TCTN2: variants seen among roughly 807,000 people sequenced by gnomAD.
TCTN2 encodes tectonic family member 2.
In TCTN2, 66 loss-of-function variants were observed where a neutral mutation model predicts 83.4. That is an observed-to-expected ratio of 0.79 (90% CI 0.65 to 0.97). TCTN2 has a LOEUF of 0.97. Among genes scored for constraint, TCTN2 ranks in the 50% least tolerant of loss-of-function variants. TCTN2 has a pLI of 0.00. For missense variants in TCTN2, 794 were observed against 858.1 expected (o/e 0.93, Z 0.93); for synonymous variants, 301 against 326.7 (o/e 0.92, Z 0.85).
In TCTN2 at chr12:123,671,125, G is replaced by T. The variant is rs887071343; in HGVS notation, c.-116G>T. Reference sequence around the variant, plus strand: ...ATTGGTGGTTGCCATAGCTCCGGGCGTTCGCTTGCAAGATGGCGGCGGCGG... The same window carrying T: ...ATTGGTGGTTGCCATAGCTCCGGGCTTTCGCTTGCAAGATGGCGGCGGCGG... On this transcript the variant is annotated 5_prime_UTR_variant, in exon 1 of 18. Coordinates refer to ENST00000303372, the MANE Select transcript of TCTN2 (RefSeq NM_024809.5). 7.7e-5 allele frequency: 79 copies of T among 1,026,084 alleles called. No homozygotes were observed. In the African/African-American group the frequency reaches 1.2e-3, roughly 15 times the overall value. The allele number at this position is 1,026,084 out of a possible 1,614,324, so 63.6% of individuals were successfully genotyped here.
intron 11 of TCTN2, 194 bp downstream of exon 11, chr12:123,695,491 G>A (rs543252842): frequency 6.9e-5 from 33 of 480,098 alleles, no homozygotes; most frequent in South Asian, 1.6e-4. Flanking sequence ...GCGCAATCTC[G>A]GCTCACTGCA....
Position 123,686,949 on chromosome 12 carries a change from T to G in TCTN2, c.678T>G (p.Arg226=), listed in dbSNP as rs778808046. The change falls in exon 6 of 18, where the codon CGT becomes CGG. Residue 226 remains arginine (R), a synonymous_variant. Transcript: ENST00000303372. ...TCTGCTCTGCTGGGACGACGACACG[T>G]GGTGTCCCCGATTGGTTTCCCTTTC... The part of the protein sequence containing the change: ...DQLCSAGTTT[R]GVPDWFPFLC... The G allele has an allele frequency of 6.2e-7, 1 of 1,614,210 alleles. No individual in the cohort carries two copies. The highest frequency in any genetic ancestry group is 8.5e-7 in the Non-Finnish European group (1 of 1,180,042).
In TCTN2 at chr12:123,707,000, T is replaced by C. The variant is rs745808672; in HGVS notation, c.1911T>C (p.Tyr637=). ...TGTTTTCTAGATTCCAGATCAATTA[T>C]ACAGAGTATGACTGCAACAGAAATG... ...PHPLTRFQIN[Y]TEYDCNRNEV... is the part of the protein sequence containing the mutation. Residue 637 remains tyrosine, a synonymous_variant, in exon 17 of 18, where the codon TAT becomes TAC. Transcript: ENST00000303372. 3.1e-6 allele frequency: 5 copies of C among 1,614,114 alleles called. No individual in the cohort carries two copies. The highest frequency in any genetic ancestry group is 4.2e-6 in the Non-Finnish European group (5 of 1,180,004).
chr12:123,683,648 AT>A (rs578140725), intron 5 of TCTN2, among the ~76,000 whole-genome samples: 16 of 149,686 alleles, frequency 1.1e-4, no homozygotes, highest in Non-Finnish European at 2.2e-4. Context: ...CACATTTAAA[AT>A]TTTTTTTGAG....
intron 9 of TCTN2, among the ~76,000 whole-genome samples, chr12:123,694,097 G>A (rs1956079306): frequency 6.6e-6 from 1 of 151,364 alleles, no homozygotes; most frequent in Non-Finnish European, 1.5e-5. Context: ...GGGTTCAAAC[G>A]ATTCTTCTGC....
rs553643741 is a variant in TCTN2, at chr12:123,682,728, C to T, written c.564+3439C>T. On this transcript the variant is annotated intron_variant, in intron 5 of 17. Coordinates refer to ENST00000303372, the MANE Select transcript of TCTN2 (RefSeq NM_024809.5). ...AACTCCTGACCACAAGTGATCCGCC[C>T]GCCTCAGCCTCCCAAAATGCTGGGA... 2.5e-4 allele frequency among the ~76,000 whole-genome samples: 38 copies of T among 151,586 alleles called. 1 individual carries two copies. The highest frequency in any genetic ancestry group is 7.9e-4 in the Admixed American group (12 of 15,228).
At chr12:123,681,262 A>AAAAAAAAAG (rs796346294) in intron 5 of TCTN2, among the ~76,000 whole-genome samples, 1,522 of 151,708 alleles carry the variant, frequency 0.01, 35 homozygotes, top group African/African-American at 0.034. Context: ...CTTTCAAAAA[A>AAAAAAAAAG]AAAGAAAGAA....
chr12:123,702,130 A>T (rs1453313230), intron 14 of TCTN2, among the ~76,000 whole-genome samples: 1 of 152,130 alleles, frequency 6.6e-6, no homozygotes, highest in Non-Finnish European at 1.5e-5. Flanking sequence ...GGGAGCCTTG[A>T]GTCTGTAAAT....
At chr12:123,688,428 G>C (rs755152870) in intron 7 of TCTN2, among the ~76,000 whole-genome samples, 7 of 151,924 alleles carry the variant, frequency 4.6e-5, no homozygotes, top group Non-Finnish European at 1.0e-4. Context: ...TGTTGACCTG[G>C]ATGATCTCGA....
At position 123,706,765 on chromosome 12, in the gene TCTN2, C is replaced by T. The variant is rs1445811116; in HGVS notation, c.1809C>T (p.Thr603=). 2.5e-6 allele frequency: 4 copies of T among 1,614,152 alleles called. No homozygotes were observed. The highest frequency in any genetic ancestry group is 2.2e-5 in the South Asian group (2 of 91,076). The change falls in exon 16 of 18, where the codon ACC becomes ACT. Residue 603 remains threonine (T), a synonymous_variant. Transcript: ENST00000303372. The stretch of plus-strand genomic sequence containing the variant: ...ACTGGCAGTACCAGTGTGGGCTTAC[C>T]TGTGAGCACAAGGCCGACCTTCTCC... The part of the protein sequence containing the change: ...SVNWQYQCGL[T]CEHKADLLPI...
intron 5 of TCTN2, among the ~76,000 whole-genome samples, chr12:123,684,303 A>G (rs1233014420): frequency 2.6e-5 from 4 of 151,226 alleles, no homozygotes; most frequent in Middle Eastern, 3.4e-3. Context: ...CACTTAACAT[A>G]AGATCTACCC....
chr12:123,697,039 CT>C, intron 12 of TCTN2, 47 bp from the exon 13 acceptor site: 1 of 1,472,020 alleles, frequency 6.8e-7, no homozygotes, highest in East Asian at 2.3e-5. Flanking sequence ...TTAATCTTTA[CT>C]TTTGTTTAGC....
chr12:123,672,376 G>A (rs530632150), intron 3 of TCTN2, among the ~76,000 whole-genome samples: 1 of 152,260 alleles, frequency 6.6e-6, no homozygotes, highest in East Asian at 1.9e-4. Flanking sequence ...AGTTCTGTGT[G>A]TATGTGCATT....
At chr12:123,699,867 G>A (rs1297566301) in intron 14 of TCTN2, 57 bp downstream of exon 14, 1 of 1,391,102 alleles carries the variant, frequency 7.2e-7, no homozygotes, top group Non-Finnish European at 1.0e-6. Flanking sequence ...ACTACCAACT[G>A]TAGTCGCAGC....
rs7953599 is a variant in TCTN2 at position 123,673,908 on chromosome 12, T to C, written c.463+98T>C. The C allele has an allele frequency of 0.36, 419,944 of 1,169,434 alleles. 78,877 individuals carry two copies. The highest frequency in any genetic ancestry group is 0.41 in the African/African-American group (27,123 of 66,264). The allele number at this position is 1,169,434 out of a possible 1,614,324, so 72.4% of individuals were successfully genotyped here. ...GCTTGAGCCCGGGAGGTTGATGCTA[T>C]AAATGAGCTGCCCGGGAGGTTAATG... On this transcript the variant is annotated intron_variant, in intron 4 of 17. Transcript: ENST00000303372.
At chr12:123,705,145 T>C (rs1956214581) in intron 15 of TCTN2, among the ~76,000 whole-genome samples, 1 of 150,978 alleles carries the variant, frequency 6.6e-6, no homozygotes. Context: ...TACCTTTATG[T>C]ATCAAGCCTC....
chr12:123,685,576 G>A (rs1017917922), intron 5 of TCTN2, among the ~76,000 whole-genome samples: 13 of 151,818 alleles, frequency 8.6e-5, no homozygotes, highest in African/African-American at 2.7e-4. Context: ...GTGCCACCAC[G>A]CCTGGCTAAT....
chr12:123,701,523 G>T (rs1956172155), intron 14 of TCTN2, among the ~76,000 whole-genome samples: 1 of 151,996 alleles, frequency 6.6e-6, no homozygotes, highest in Non-Finnish European at 1.5e-5. Context: ...TGGATCACGA[G>T]GTCAGGAGAT....
intron 3 of TCTN2, 77 bp downstream of exon 3, chr12:123,672,209 T>A: frequency 8.1e-7 from 1 of 1,234,604 alleles, no homozygotes; most frequent in Non-Finnish European, 1.2e-6. Flanking sequence ...TCTCTTTATT[T>A]AACAAGGCAT....
Sources: gnomAD v4.1 joint callset for allele counts (sites outside exome capture counted in the v4.1 genomes callset) on GRCh38, gnomAD v4.1.1 for gene constraint, MANE v1.5 for transcripts, NCBI Gene and HGNC (gene_info 2026-07-23, HGNC 2026-07-21) for gene names.